Variants in SCTR observed in about 807,000 individuals in gnomAD.
SCTR encodes the protein pancreatic secretin receptor.
A neutral mutation model predicts 60.8 loss-of-function variants in SCTR; 56 were observed. The observed-to-expected ratio is 0.92, with a 90% CI of 0.74 to 1.15. SCTR has a LOEUF of 1.15. Among genes scored for constraint, SCTR ranks in the 50% most tolerant of loss-of-function variants. The pLI, the probability that SCTR is intolerant of heterozygous loss-of-function variation, is 0.00. For synonymous variants in SCTR, 202 were observed against 217.0 expected, an observed-to-expected ratio of 0.93 and a Z score of 0.61; for missense variants, 562 against 550.4, an observed-to-expected ratio of 1.02 and a Z score of -0.21.
chr2:119,470,386 C>T (rs1294477265), intron 4 of SCTR, among the ~76,000 whole-genome samples: 3 of 151,998 alleles, frequency 2.0e-5, no homozygotes, highest in Admixed American at 6.6e-5. Context: ...GAATAAAGAA[C>T]AAAACTCGTG....
intron 1 of SCTR, among the ~76,000 whole-genome samples, chr2:119,497,514 G>A (rs982598294): frequency 6.6e-6 from 1 of 152,016 alleles, no homozygotes. Flanking sequence ...AGAGTTGTTA[G>A]AATGATCTGA....
intron 1 of SCTR, among the ~76,000 whole-genome samples, chr2:119,506,974 A>G (rs2104930861): frequency 6.6e-6 from 1 of 152,330 alleles, no homozygotes; most frequent in Non-Finnish European, 1.5e-5. Flanking sequence ...TGTACTGTCT[A>G]TATATAGTTT....
intron 2 of SCTR, chr2:119,479,340 T>C: frequency 1.1e-6 from 1 of 951,552 alleles, no homozygotes; most frequent in Non-Finnish European, 1.3e-6. Context: ...GAAATAGACC[T>C]AGCCGGCGTG....
rs973786266 is a variant in SCTR at position 119,439,920 on chromosome 2, C to G, written c.*197G>C. ...GAACTTCTCTTCCCAGAAGAGCAAA[C>G]GAACCAAATCCCAGGCCCTTGTCCT... is the stretch of plus-strand genomic sequence containing the variant. On this transcript the variant is annotated 3_prime_UTR_variant, in exon 13 of 13. Transcript: ENST00000019103. 5 of 567,142 alleles carry G rather than the reference C, an allele frequency of 8.8e-6. No homozygotes were observed. In the Admixed American group the frequency reaches 1.3e-4, roughly 15 times the overall value. The allele number at this position is 567,142 out of a possible 1,614,324, so 35.1% of individuals were successfully genotyped here.
chr2:119,521,713 A>G (rs1372082189), intron 1 of SCTR, among the ~76,000 whole-genome samples: 1 of 152,146 alleles, frequency 6.6e-6, no homozygotes, highest in East Asian at 1.9e-4. Flanking sequence ...AGATGCCTAT[A>G]ATCTCCCTCA....
intron 2 of SCTR, chr2:119,480,725 G>A (rs1426325779): frequency 6.6e-6 from 1 of 152,258 alleles, no homozygotes; most frequent in African/African-American, 2.4e-5. Flanking sequence ...CAGCCACACA[G>A]GGAAACTGCT....
At chr2:119,476,738 G>C (rs1301786990) in intron 3 of SCTR, 3 of 152,654 alleles carry the variant, frequency 2.0e-5, no homozygotes, top group Admixed American at 6.5e-5. Flanking sequence ...GAAAAGGGAC[G>C]GCTGCAAAGG....
At chr2:119,507,250 G>C (rs1678770066) in intron 1 of SCTR, among the ~76,000 whole-genome samples, 1 of 152,150 alleles carries the variant, frequency 6.6e-6, no homozygotes, top group African/African-American at 2.4e-5. Flanking sequence ...ATACCGTGAT[G>C]TTAAACAGGA....
At chr2:119,497,232 A>T (rs1285220556) in intron 1 of SCTR, among the ~76,000 whole-genome samples, 1 of 152,072 alleles carries the variant, frequency 6.6e-6, no homozygotes, top group Admixed American at 6.5e-5. Context: ...ACTTATCATC[A>T]GTCACTAGGC....
chr2:119,504,368 G>A (rs563085768), intron 1 of SCTR, among the ~76,000 whole-genome samples: 17 of 152,212 alleles, frequency 1.1e-4, no homozygotes, highest in South Asian at 1.0e-3. Flanking sequence ...TGAGGCAGGC[G>A]GATCACCTGG....
intron 1 of SCTR, chr2:119,495,568 C>T (rs1164347211): frequency 6.6e-6 from 1 of 152,118 alleles, no homozygotes; most frequent in Non-Finnish European, 1.5e-5. Context: ...CAAATTGGCC[C>T]AAGTAATCAA....
chr2:119,464,440 A>G (rs1412432993), intron 5 of SCTR, among the ~76,000 whole-genome samples, 185 bp from the exon 6 acceptor site: 1 of 148,418 alleles, frequency 6.7e-6, no homozygotes, highest in Non-Finnish European at 1.5e-5. Context: ...CTAATTTGCT[A>G]CATGCTGCAG....
At chr2:119,471,780 CAG>C (rs949111171) in intron 4 of SCTR, among the ~76,000 whole-genome samples, 4 of 152,174 alleles carry the variant, frequency 2.6e-5, no homozygotes, top group African/African-American at 9.7e-5. Flanking sequence ...TATCAGAAGA[CAG>C]AGGACGGAGC....
At chr2:119,515,915 AGGATCC>A (rs1369781855) in intron 1 of SCTR, among the ~76,000 whole-genome samples, 1 of 152,212 alleles carries the variant, frequency 6.6e-6, no homozygotes, top group East Asian at 1.9e-4. Context: ...GACCCTTGGT[AGGATCC>A]GGACTGGAAA....
At chr2:119,517,727 G>A (rs1679160032) in intron 1 of SCTR, among the ~76,000 whole-genome samples, 1 of 152,176 alleles carries the variant, frequency 6.6e-6, no homozygotes, top group African/African-American at 2.4e-5. Context: ...AGAGGAAGAG[G>A]GTGAAGGTTG....
chr2:119,472,434 A>C (rs1480082754), intron 4 of SCTR, among the ~76,000 whole-genome samples: 4 of 152,190 alleles, frequency 2.6e-5, no homozygotes, highest in Non-Finnish European at 5.9e-5. Flanking sequence ...ATTTGAGAGA[A>C]AGGGCCATCC....
intron 2 of SCTR, among the ~76,000 whole-genome samples, chr2:119,482,812 C>T (rs956190089): frequency 6.6e-6 from 1 of 152,110 alleles, no homozygotes. Context: ...TCTGTGTCTC[C>T]GTGCTGACCT....
chr2:119,507,098 C>CA (rs1025544859), intron 1 of SCTR, among the ~76,000 whole-genome samples: 2 of 151,304 alleles, frequency 1.3e-5, no homozygotes, highest in Non-Finnish European at 1.5e-5. Context: ...AGTTGAATTA[C>CA]AAAAAAAAGA....
At chr2:119,470,161 T>G (rs1676943453) in intron 4 of SCTR, among the ~76,000 whole-genome samples, 1 of 152,218 alleles carries the variant, frequency 6.6e-6, no homozygotes, top group Non-Finnish European at 1.5e-5. Flanking sequence ...AATCCCATTT[T>G]ATTTACCCAT....
Sources: allele counts gnomAD v4.1 joint callset (sites outside exome capture counted in the v4.1 genomes callset), GRCh38; gene constraint gnomAD v4.1.1; transcripts MANE v1.5; gene names NCBI Gene and HGNC (gene_info 2026-07-23, HGNC 2026-07-21).